MGST3: variants seen among roughly 807,000 people sequenced by gnomAD.
The protein encoded by MGST3 is glutathione S-transferase 3, mitochondrial.
Under a neutral mutation model 15.8 loss-of-function variants are expected in MGST3, and 13 were observed. The ratio of observed to expected loss-of-function variants is 0.82; its 90% CI spans 0.54 to 1.31. MGST3 has a LOEUF of 1.31. Ranked by LOEUF, MGST3 falls within the 50% of genes most tolerant of loss-of-function variation. The pLI, the probability that MGST3 is intolerant of heterozygous loss-of-function variation, is 0.00. For missense variants in MGST3, 155 were observed against 192.4 expected, an observed-to-expected ratio of 0.81 and a Z score of 1.15; for synonymous variants, 49 against 68.1, an observed-to-expected ratio of 0.72 and a Z score of 1.38.
rs769792197 is a variant in MGST3 at position 165,655,406 on chromosome 1, G to A, written c.361G>A (p.Ala121Thr). 3.1e-6 allele frequency: 5 copies of A among 1,613,996 alleles called. No individual in the cohort carries two copies. Among genetic ancestry groups the A allele is most frequent in the Non-Finnish European group, 4.2e-6 (5 of 1,179,974 alleles). The stretch of plus-strand genomic sequence containing the variant: ...TAGTCGAGGAGCCCTGGGGTCCATC[G>A]CCCTCCTGGGCTTGGTGGGCACAAC... ...KRSRGALGSI[A>T]LLGLVGTTVC... The change falls in exon 6 of 6, where the codon GCC (alanine) becomes ACC (threonine). Residue 121 changes from alanine (A) to threonine (T), a missense_variant. By Grantham distance (58) the Ala-to-Thr change is moderately conservative. Transcript: ENST00000367889.
chr1:165,649,694 C>T, intron 1 of MGST3, 147 bp from the exon 2 acceptor site: 1 of 911,714 alleles, frequency 1.1e-6, no homozygotes, highest in Non-Finnish European at 1.7e-6. Flanking sequence ...TCTTTGATGA[C>T]TTCTCAGAAA....
intron 5 of MGST3, among the ~76,000 whole-genome samples, chr1:165,654,978 G>A (rs952038093): frequency 3.9e-5 from 6 of 152,136 alleles, no homozygotes; most frequent in Admixed American, 2.0e-4. Flanking sequence ...GCTACTAAGC[G>A]TAAACTAGTA....
intron 4 of MGST3, among the ~76,000 whole-genome samples, chr1:165,652,788 T>C (rs761812068): frequency 6.6e-6 from 1 of 152,194 alleles, no homozygotes; most frequent in Non-Finnish European, 1.5e-5. Flanking sequence ...AGAGGGGTGA[T>C]GAGGCAGGTC....
In MGST3 at chr1:165,654,332, T is replaced by C. The variant is rs368029856; in HGVS notation, c.303T>C (p.Ala101=). The C allele has an allele frequency of 6.2e-7, 1 of 1,613,998 alleles. No individual in the cohort carries two copies. Among genetic ancestry groups the C allele is most frequent in the African/African-American group, 1.3e-5 (1 of 74,936 alleles). ...GGATTGTTGGACGAGTTCTTTATGC[T>C]TATGGCTATTACACGGGAGGTTAGT... ...LAWIVGRVLY[A]YGYYTGEPSK... The change falls in exon 5 of 6, where the codon GCT becomes GCC. Residue 101 remains alanine (A), a synonymous_variant. Coordinates refer to ENST00000367889, the MANE Select transcript of MGST3 (RefSeq NM_004528.4).
In MGST3 at chr1:165,651,876, CAG is replaced by C. The variant is rs71652937; in HGVS notation, c.192-98_192-97del. 400 of 676,370 alleles carry C rather than the reference CAG, an allele frequency of 5.9e-4. 2 individuals are homozygous for C. In the East Asian group the frequency reaches 8.7e-3, roughly 15 times the overall value. 41.9% of individuals were successfully genotyped at this position (676,370 alleles called of 1,614,324 possible). ...TGCCACTGCATTCCAGCCTGGGTGA[CAG>C]AGACACTCCGTCTCAAAAAAAAAAA... On this transcript the variant is annotated intron_variant, in intron 3 of 5. Coordinates refer to ENST00000367889, the MANE Select transcript of MGST3 (RefSeq NM_004528.4).
intron 1 of MGST3, among the ~76,000 whole-genome samples, chr1:165,634,024 G>GTTTTT (rs56190944): frequency 1.4e-5 from 2 of 138,458 alleles, no homozygotes; most frequent in African/African-American, 5.4e-5. Context: ...CTTTCCCAAA[G>GTTTTT]TTTTTTTTTT....
At chr1:165,636,259 T>G (rs1338409531) in intron 1 of MGST3, among the ~76,000 whole-genome samples, 1 of 152,100 alleles carries the variant, frequency 6.6e-6, no homozygotes, top group Non-Finnish European at 1.5e-5. Context: ...CAGGCTAGAC[T>G]CAAACTCCTA....
chr1:165,635,754 T>C (rs4147599), intron 1 of MGST3: 69,199 of 152,116 alleles, frequency 0.45, 16,262 homozygotes, highest in East Asian at 0.78. Context: ...TCCTAACATA[T>C]AGTTAGCTTC....
Position 165,651,081 on chromosome 1 carries a change from A to G in MGST3, c.185A>G (p.Gln62Arg), listed in dbSNP as rs1284864615. The G allele has an allele frequency of 1.9e-6, 3 of 1,614,200 alleles. No individual in the cohort carries two copies. Among genetic ancestry groups the G allele is most frequent in the Non-Finnish European group, 2.5e-6 (3 of 1,180,004 alleles). ...TTCAACTGCATTCAGCGAGCCCACC[A>G]GAACACGTGAGTGTCGGCCCTGCCG... ...HIFNCIQRAH[Q>R]NTLEVYPPFL... Residue 62 changes from glutamine (Q) to arginine (R), a missense_variant, in exon 3 of 6, where the codon CAG becomes CGG. Gln to Arg is a conservative substitution (Grantham distance 43). Coordinates refer to ENST00000367889, the MANE Select transcript of MGST3 (RefSeq NM_004528.4).
intron 1 of MGST3, among the ~76,000 whole-genome samples, chr1:165,639,460 G>T (rs1433570087): frequency 2.0e-5 from 3 of 152,152 alleles, no homozygotes; most frequent in African/African-American, 7.2e-5. Flanking sequence ...TTGTTGTAAG[G>T]ATGGAAAGTG....
intron 1 of MGST3, chr1:165,647,450 G>T (rs1648433285): frequency 6.6e-6 from 1 of 152,142 alleles, no homozygotes; most frequent in Non-Finnish European, 1.5e-5. Context: ...TGTTTTGGGG[G>T]AGAATTCTAA....
intron 1 of MGST3, among the ~76,000 whole-genome samples, chr1:165,642,529 A>G (rs992319679): frequency 1.3e-5 from 2 of 152,236 alleles, no homozygotes; most frequent in Non-Finnish European, 2.9e-5. Flanking sequence ...ATGTATATTC[A>G]TTATCATTTA....
At chr1:165,649,621 G>C in intron 1 of MGST3, 2 of 541,652 alleles carry the variant, frequency 3.7e-6, no homozygotes, top group Admixed American at 3.1e-5. Flanking sequence ...ATACATGACT[G>C]TATACTTTTC....
intron 3 of MGST3, chr1:165,651,696 G>T: frequency 2.6e-6 from 1 of 385,960 alleles, no homozygotes; most frequent in Non-Finnish European, 4.8e-6. Flanking sequence ...TTGAGGTCAG[G>T]AGTTGGAGAC....
chr1:165,645,235 T>G (rs1648366949), intron 1 of MGST3, among the ~76,000 whole-genome samples: 1 of 152,242 alleles, frequency 6.6e-6, no homozygotes, highest in African/African-American at 2.4e-5. Context: ...TTTAAAACTT[T>G]CTTTTTATTT....
At chr1:165,638,611 C>G (rs908863688) in intron 1 of MGST3, among the ~76,000 whole-genome samples, 2 of 152,128 alleles carry the variant, frequency 1.3e-5, no homozygotes, top group African/African-American at 4.8e-5. Context: ...TGGCGAAACC[C>G]TGTCTCTACT....
chr1:165,651,129 T>C (rs1397782389), intron 3 of MGST3, 42 bp downstream of exon 3: 1 of 1,575,272 alleles, frequency 6.3e-7, no homozygotes, highest in Admixed American at 1.7e-5. Flanking sequence ...ATCTGCAGAG[T>C]GGGTGTTTTC....
At chr1:165,652,122 G>A (rs1383536009) in intron 4 of MGST3, 87 bp downstream of exon 4, 2 of 968,082 alleles carry the variant, frequency 2.1e-6, no homozygotes, top group Non-Finnish European at 3.4e-6. Context: ...AACATTTAAT[G>A]AATATCTTCA....
At position 165,649,957 on chromosome 1, in the gene MGST3, A is replaced by G. The variant is rs376816578; in HGVS notation, c.110A>G (p.Lys37Arg). 31 of 1,613,946 alleles carry G rather than the reference A, an allele frequency of 1.9e-5. No individual in the cohort carries two copies. In the African/African-American group the frequency reaches 3.6e-4, roughly 19 times the overall value. Residue 37 changes from lysine (K) to arginine (R), a missense_variant, in exon 2 of 6, where the codon AAA (lysine) becomes AGA (arginine). Physicochemically the swap from Lys to Arg is conservative, Grantham distance 26. Coordinates refer to ENST00000367889, the MANE Select transcript of MGST3 (RefSeq NM_004528.4). ...GTTTCCAAGGCCCGCAAGAAGTACA[A>G]AGTGGAGGTAAGTGGGAACACAAGC... is the stretch of plus-strand genomic sequence containing the variant. ...INVSKARKKY[K>R]VEYPIMYSTD...
Sources: allele counts gnomAD v4.1 joint callset (sites outside exome capture counted in the v4.1 genomes callset), GRCh38; gene constraint gnomAD v4.1.1; transcripts MANE v1.5; gene names NCBI Gene and HGNC (gene_info 2026-07-23, HGNC 2026-07-21).